Variants in DDX17 observed in about 807,000 individuals in gnomAD.
DDX17 encodes probable ATP-dependent RNA helicase DDX17.
Under a neutral mutation model 80.8 loss-of-function variants are expected in DDX17, and 10 were observed. The observed-to-expected ratio is 0.12, with a 90% CI of 0.08 to 0.21. DDX17 has a LOEUF of 0.21. DDX17 is among the 10% of genes least tolerant of loss of function. DDX17 has a pLI of 1.00. For synonymous variants in DDX17, 339 were observed against 336.2 expected, an observed-to-expected ratio of 1.01 and a Z score of -0.09; for missense variants, 586 against 957.4, an observed-to-expected ratio of 0.61 and a Z score of 5.12.
At chr22:38,500,817 C>CAAAAGAAAA (rs2089820450) in intron 2 of DDX17, among the ~76,000 whole-genome samples, 1 of 54,176 alleles carries the variant, frequency 1.8e-5, no homozygotes, top group Non-Finnish European at 3.0e-5. Flanking sequence ...AACTCCGTCT[C>CAAAAGAAAA]AAAAAAAAAA....
chr22:38,500,974 G>GAAAA (rs71702696), intron 2 of DDX17, among the ~76,000 whole-genome samples, 156 bp downstream of exon 2: 2 of 140,246 alleles, frequency 1.4e-5, no homozygotes. Context: ...CTACAAAAAG[G>GAAAA]AAAAAAAAAA....
chr22:38,498,008 A>T (rs2089787973), intron 5 of DDX17, 77 bp downstream of exon 5: 29 of 1,372,388 alleles, frequency 2.1e-5, no homozygotes, highest in Middle Eastern at 4.0e-4. Context: ...ACAAATGGAT[A>T]ATGTAAAGCA....
At chr22:38,497,772 C>CA (rs547752912) in intron 5 of DDX17, among the ~76,000 whole-genome samples, 17 of 151,712 alleles carry the variant, frequency 1.1e-4, no homozygotes, top group Admixed American at 3.9e-4. Context: ...CAAAAAAACA[C>CA]AAAAAATCAA....
At chr22:38,494,573 G>T in intron 8 of DDX17, 57 bp downstream of exon 8, 1 of 1,538,364 alleles carries the variant, frequency 6.5e-7, no homozygotes, top group East Asian at 2.3e-5. Flanking sequence ...TAATTTTGGA[G>T]GGTTATTAGA....
At chr22:38,488,769 CCT>C (rs1329448728) in intron 11 of DDX17, 3 of 985,562 alleles carry the variant, frequency 3.0e-6, no homozygotes, top group African/African-American at 1.7e-5. Flanking sequence ...TTATCTATCC[CCT>C]TTCAATTACA....
intron 3 of DDX17, among the ~76,000 whole-genome samples, chr22:38,498,990 T>TGACA: frequency 6.6e-6 from 1 of 152,272 alleles, no homozygotes; most frequent in South Asian, 2.1e-4. Context: ...TCAGCCTGGG[T>TGACA]GACAACGTTG....
intron 11 of DDX17, chr22:38,488,644 G>A (rs2089685276): frequency 2.0e-6 from 2 of 986,992 alleles, no homozygotes; most frequent in East Asian, 1.1e-4. Context: ...CAATTTAAAG[G>A]AAACTTAAAT....
intron 5 of DDX17, among the ~76,000 whole-genome samples, chr22:38,497,465 AAC>A (rs2089780267): frequency 6.6e-6 from 1 of 151,534 alleles, no homozygotes; most frequent in Non-Finnish European, 1.5e-5. Context: ...TAAAAATACA[AAC>A]ATTAGCTGGG....
intron 6 of DDX17, among the ~76,000 whole-genome samples, chr22:38,495,347 G>A (rs1017305261): frequency 9.5e-5 from 14 of 147,332 alleles, no homozygotes; most frequent in African/African-American, 3.5e-4. Flanking sequence ...CCAGGTTCAC[G>A]CCATTCTCCT....
At chr22:38,495,158 C>G in intron 6 of DDX17, 112 bp from the exon 7 acceptor site, 4 of 1,038,480 alleles carry the variant, frequency 3.9e-6, no homozygotes, top group Non-Finnish European at 5.5e-6. Flanking sequence ...CAGTTCACAA[C>G]CAGCCTGGTC....
chr22:38,487,915 G>C lies in DDX17; in HGVS notation c.1648C>G (p.Gln550Glu). ...CCGCCTCCTCTGTGGTCCACAAGCT[G>C]CATCAGTTTTGGATTGATAGCCTGA... Residue 550 changes from glutamine (Q) to glutamate (E), a missense_variant, in exon 12 of 13, where the codon CAG (glutamine) becomes GAG (glutamate). Around this residue, in one of 4 missense-constraint regions of DDX17, gnomAD observed 221 missense variants for 261.4 expected, o/e 0.85. Coordinates refer to ENST00000403230, the MANE Select transcript of DDX17 (RefSeq NM_006386.5). 2 of 1,614,204 alleles carry C rather than the reference G, an allele frequency of 1.2e-6. No individual in the cohort carries two copies. Among genetic ancestry groups the C allele is most frequent in the Non-Finnish European group, 8.5e-7 (1 of 1,180,034 alleles).
chr22:38,493,497 ACTT>A (rs2089732558), intron 10 of DDX17: 1 of 546,674 alleles, frequency 1.8e-6, no homozygotes, highest in South Asian at 2.5e-5. Flanking sequence ...AGTCCAGGCC[ACTT>A]CTTTACATAT....
At chr22:38,486,648 A>G (rs1485553362) in intron 12 of DDX17, among the ~76,000 whole-genome samples, 1 of 152,184 alleles carries the variant, frequency 6.6e-6, no homozygotes, top group Non-Finnish European at 1.5e-5. Context: ...ATTAAAGGAC[A>G]CTAGACCTTT....
At chr22:38,488,351 T>C in intron 11 of DDX17, 1 of 1,391,746 alleles carries the variant, frequency 7.2e-7, no homozygotes, top group Non-Finnish European at 9.3e-7. Context: ...TGTAGAATCC[T>C]AAGGGAATCC....
In DDX17 at chr22:38,487,943, G is replaced by A. The variant is rs1277780468; in HGVS notation, c.1620C>T (p.Ala540=). ...TCAGTTTTGGATTGATAGCCTGATT[G>A]GCCTCTTCCAGCACTTTGATAAGCT... The change falls in exon 12 of 13, where the codon GCC becomes GCT. Residue 540 remains alanine, a synonymous_variant. Coordinates refer to ENST00000403230, the MANE Select transcript of DDX17 (RefSeq NM_006386.5). The A allele has an allele frequency of 8.7e-6, 14 of 1,614,198 alleles. No homozygotes were observed. The South Asian group carries it at 1.4e-4, about 16-fold the overall frequency.
chr22:38,492,733 A>C (rs1285728635), intron 10 of DDX17, among the ~76,000 whole-genome samples: 3 of 151,826 alleles, frequency 2.0e-5, no homozygotes, highest in Non-Finnish European at 4.4e-5. Context: ...TGATCCGCCC[A>C]CCTCAGCCTC....
At chr22:38,492,866 G>A (rs1472185181) in intron 10 of DDX17, among the ~76,000 whole-genome samples, 1 of 152,150 alleles carries the variant, frequency 6.6e-6, no homozygotes, top group African/African-American at 2.4e-5. Context: ...AAAAAGGACT[G>A]AAAGGAAATA....
At chr22:38,496,855 T>A (rs1247037661) in intron 5 of DDX17, among the ~76,000 whole-genome samples, 1 of 152,268 alleles carries the variant, frequency 6.6e-6, no homozygotes, top group Non-Finnish European at 1.5e-5. Context: ...AAACTTGCTT[T>A]ATATACTGAT....
chr22:38,501,386 T>A, intron 1 of DDX17, 106 bp from the exon 2 acceptor site: 1 of 1,329,562 alleles, frequency 7.5e-7, no homozygotes, highest in Non-Finnish European at 1.0e-6. Flanking sequence ...ACTACCAGCC[T>A]ACCTCCAAAA....
Sources: gnomAD v4.1 joint callset for allele counts (sites outside exome capture counted in the v4.1 genomes callset) on GRCh38, gnomAD v4.1.1 for gene constraint, gnomAD v4.1.1 regional missense constraint, MANE v1.5 for transcripts, NCBI Gene and HGNC (gene_info 2026-07-23, HGNC 2026-07-21) for gene names.